Variants in MAGI2 observed in about 807,000 individuals in gnomAD.
MAGI2 encodes membrane associated guanylate kinase, WW and PDZ domain containing 2, also known as membrane-associated guanylate kinase, WW and PDZ domain-containing protein 2.
Under a neutral mutation model 133.3 loss-of-function variants are expected in MAGI2, and 35 were observed. The observed-to-expected ratio is 0.26, with a 90% CI of 0.20 to 0.35. The LOEUF is 0.35. Among genes scored for constraint, MAGI2 ranks in the 10% least tolerant of loss-of-function variants. MAGI2 has a pLI of 1.00. For missense variants in MAGI2, 1,636 were observed against 1,863.4 expected, an observed-to-expected ratio of 0.88 and a Z score of 2.25; for synonymous variants, 729 against 710.6, an observed-to-expected ratio of 1.03 and a Z score of -0.41.
At chr7:79,342,212 T>C (rs1427444301) in intron 1 of MAGI2, among the ~76,000 whole-genome samples, 3 of 152,220 alleles carry the variant, frequency 2.0e-5, no homozygotes, top group Non-Finnish European at 4.4e-5. Flanking sequence ...GAAATTTCAA[T>C]TCTTCCCGTT....
chr7:78,758,437 T>C (rs1375475081), intron 2 of MAGI2, among the ~76,000 whole-genome samples: 2 of 152,234 alleles, frequency 1.3e-5, no homozygotes, highest in Non-Finnish European at 2.9e-5. Flanking sequence ...TTGAGTGCAC[T>C]TATGATTATT....
intron 2 of MAGI2, among the ~76,000 whole-genome samples, chr7:78,640,904 C>T (rs1243289226): frequency 6.6e-6 from 1 of 152,192 alleles, no homozygotes; most frequent in Non-Finnish European, 1.5e-5. Flanking sequence ...CAAATCTCAT[C>T]TTGAATTGTC....
At chr7:78,283,730 T>A (rs558934179) in intron 9 of MAGI2, among the ~76,000 whole-genome samples, 1 of 152,202 alleles carries the variant, frequency 6.6e-6, no homozygotes, top group Admixed American at 6.6e-5. Context: ...AATGGATCAG[T>A]CATCTATAGA....
chr7:78,108,815 TAAC>T (rs1350753394), intron 20 of MAGI2, among the ~76,000 whole-genome samples: 2 of 152,056 alleles, frequency 1.3e-5, no homozygotes, highest in Non-Finnish European at 2.9e-5. Context: ...AAAAGGATAA[TAAC>T]AGAGAACTTC....
intron 16 of MAGI2, among the ~76,000 whole-genome samples, chr7:78,138,625 T>TCA (rs202115434): frequency 0.023 from 2,912 of 129,240 alleles, 37 homozygotes; most frequent in East Asian, 0.028. Context: ...AAACATAGAT[T>TCA]CACACACACA....
chr7:79,168,263 G>A (rs1026131073), intron 1 of MAGI2, among the ~76,000 whole-genome samples: 4 of 151,796 alleles, frequency 2.6e-5, no homozygotes, highest in East Asian at 3.9e-4. Flanking sequence ...TATCCCAACC[G>A]AGCTGGTCTC....
chr7:78,349,304 T>C (rs373804288), intron 7 of MAGI2, among the ~76,000 whole-genome samples: 13 of 152,318 alleles, frequency 8.5e-5, no homozygotes, highest in African/African-American at 2.9e-4. Context: ...TTCAAACATA[T>C]GTCAATAACT....
At chr7:78,870,186 C>CA (rs1794913976) in intron 2 of MAGI2, among the ~76,000 whole-genome samples, 1 of 151,770 alleles carries the variant, frequency 6.6e-6, no homozygotes, top group East Asian at 2.0e-4. Context: ...TCCATCTCAA[C>CA]AAAAAATACA....
intron 1 of MAGI2, among the ~76,000 whole-genome samples, chr7:79,324,166 A>G (rs879002166): frequency 0.061 from 1,153 of 18,958 alleles, 55 homozygotes; most frequent in Admixed American, 0.31. Context: ...ATCTTTTTCA[A>G]TTTTTCAAAT....
rs1183514493 is a variant in MAGI2, at chr7:79,367,856, G to GACACACACACACACACACACACAC, written c.301+85163_301+85164insGTGTGTGTGTGTGTGTGTGTGTGT. 2.4e-3 allele frequency among the ~76,000 whole-genome samples: 166 copies of GACACACACACACACACACACACAC among 69,928 alleles called. 5 individuals carry two copies. The highest frequency in any genetic ancestry group is 6.4e-3 in the Middle Eastern group (1 of 156). The allele number at this position is 69,928 out of a possible 152,430, so 45.9% of individuals were successfully genotyped here. ...GTCATATATATATGCTTATATATGT[G>GACACACACACACACACACACACAC]ACATATATATATATATATATGTCAT... On this transcript the variant is annotated intron_variant, in intron 1 of 21. Coordinates refer to ENST00000354212, the MANE Select transcript of MAGI2 (RefSeq NM_012301.4).
At chr7:79,146,098 G>A (rs1319157206) in intron 1 of MAGI2, among the ~76,000 whole-genome samples, 4 of 151,816 alleles carry the variant, frequency 2.6e-5, no homozygotes, top group African/African-American at 9.7e-5. Context: ...CTAAACCTCT[G>A]TTCATGCTCT....
At chr7:78,280,542 T>A (rs1337515007) in intron 9 of MAGI2, among the ~76,000 whole-genome samples, 1 of 152,144 alleles carries the variant, frequency 6.6e-6, no homozygotes, top group African/African-American at 2.4e-5. Flanking sequence ...TTATTAAGTA[T>A]TCATTATGTG....
At chr7:79,207,023 T>G (rs997931991) in intron 1 of MAGI2, among the ~76,000 whole-genome samples, 1 of 151,904 alleles carries the variant, frequency 6.6e-6, no homozygotes, top group Non-Finnish European at 1.5e-5. Context: ...CCTTTGACAA[T>G]GAAAATTCTC....
intron 3 of MAGI2, among the ~76,000 whole-genome samples, chr7:78,571,566 T>C (rs939651708): frequency 6.6e-6 from 1 of 152,196 alleles, no homozygotes; most frequent in African/African-American, 2.4e-5. Context: ...TTAATAGTCA[T>C]GTTGGATGGA....
intron 14 of MAGI2, 90 bp from the exon 15 acceptor site, chr7:78,168,198 C>T (rs1416999696): frequency 1.7e-6 from 2 of 1,187,040 alleles, no homozygotes; most frequent in South Asian, 2.9e-5. Flanking sequence ...CTTCGTTGCC[C>T]AAGCTGAAGT....
chr7:79,378,418 G>A (rs1435823944), intron 1 of MAGI2, among the ~76,000 whole-genome samples: 1 of 151,626 alleles, frequency 6.6e-6, no homozygotes, highest in African/African-American at 2.4e-5. Flanking sequence ...CAGATGGCTT[G>A]ACCAAAGTCA....
chr7:78,953,310 C>A (rs1241178614), intron 2 of MAGI2, among the ~76,000 whole-genome samples: 1 of 152,134 alleles, frequency 6.6e-6, no homozygotes, highest in Non-Finnish European at 1.5e-5. Flanking sequence ...GCAGTAAAAA[C>A]TTACCCACAA....
At chr7:78,227,187 T>C (rs1034468394) in intron 10 of MAGI2, among the ~76,000 whole-genome samples, 3 of 152,240 alleles carry the variant, frequency 2.0e-5, no homozygotes, top group African/African-American at 7.2e-5. Flanking sequence ...TTCTTAGATA[T>C]ATTTTTCCTT....
At chr7:79,120,544 C>T (rs1267540581) in intron 1 of MAGI2, among the ~76,000 whole-genome samples, 2 of 151,910 alleles carry the variant, frequency 1.3e-5, no homozygotes, top group Non-Finnish European at 2.9e-5. Flanking sequence ...GTCTGATTGG[C>T]AAATATTTTA....
Sources: allele counts gnomAD v4.1 joint callset (sites outside exome capture counted in the v4.1 genomes callset), GRCh38; gene constraint gnomAD v4.1.1; transcripts MANE v1.5; gene names NCBI Gene and HGNC (gene_info 2026-07-23, HGNC 2026-07-21).